Variants in LYRM4 observed in about 807,000 individuals in gnomAD.
The protein encoded by LYRM4 is LYR motif containing 4, also known as LYR motif-containing protein 4.
In LYRM4, 9 loss-of-function variants were observed where a neutral mutation model predicts 11.7. That is an observed-to-expected ratio of 0.77 (90% confidence interval 0.46 to 1.34). The LOEUF is 1.34. LYRM4 is among the 40% of genes most tolerant of loss of function. The pLI is 0.00. For missense variants in LYRM4, 133 were observed against 112.5 expected (o/e 1.18, Z -0.82); for synonymous variants, 42 against 40.4 (o/e 1.04, Z -0.15).
intron 2 of LYRM4, among the ~76,000 whole-genome samples, chr6:5,197,545 G>T (rs1761135812): frequency 6.6e-6 from 1 of 151,824 alleles, no homozygotes; most frequent in Admixed American, 6.6e-5. Context: ...CATGGTGGCG[G>T]GTGCCTGTAA....
At chr6:5,128,290 T>C (rs1021312662) in intron 2 of LYRM4, among the ~76,000 whole-genome samples, 44 of 152,196 alleles carry the variant, frequency 2.9e-4, no homozygotes, top group African/African-American at 1.0e-3. Context: ...ATTTATATCC[T>C]GGAAGCAGGG....
At chr6:5,220,154 C>T (rs557249343) in intron 1 of LYRM4, among the ~76,000 whole-genome samples, 2 of 152,308 alleles carry the variant, frequency 1.3e-5, no homozygotes, top group South Asian at 4.1e-4. Flanking sequence ...ATACTCTTTT[C>T]TGAGATTCTT....
chr6:5,230,997 C>T (rs1321181209), intron 1 of LYRM4, among the ~76,000 whole-genome samples: 3 of 152,166 alleles, frequency 2.0e-5, no homozygotes, highest in Non-Finnish European at 4.4e-5. Context: ...CATTTCAAGG[C>T]CAGGTGCGGT....
At chr6:5,220,666 C>T (rs1762528316) in intron 1 of LYRM4, among the ~76,000 whole-genome samples, 1 of 152,184 alleles carries the variant, frequency 6.6e-6, no homozygotes, top group South Asian at 2.1e-4. Flanking sequence ...CCTGCTGCTG[C>T]TTTCAGATCA....
chr6:5,175,968 A>C lies in LYRM4; in HGVS notation c.207+40650T>G, dbSNP rs73363029. ...GCCATTTGAGTACACCCAGTGTTAC[A>C]GTCTTCCCAGCTATGGCTGATAGCA... On this transcript the variant is annotated intron_variant, in intron 2 of 2. Coordinates refer to ENST00000330636, the MANE Select transcript of LYRM4 (RefSeq NM_020408.6). 1.1e-3 allele frequency among the ~76,000 whole-genome samples: 165 copies of C among 152,280 alleles called. 2 individuals carry two copies. The highest frequency in any genetic ancestry group is 3.8e-3 in the African/African-American group (159 of 41,552).
intron 2 of LYRM4, among the ~76,000 whole-genome samples, chr6:5,154,627 G>C (rs1019460029): frequency 6.6e-6 from 1 of 152,086 alleles, no homozygotes; most frequent in Non-Finnish European, 1.5e-5. Flanking sequence ...CCATCCTGAC[G>C]AACACTGTGA....
intron 1 of LYRM4, among the ~76,000 whole-genome samples, chr6:5,258,005 C>T (rs758896455): frequency 4.6e-5 from 7 of 152,054 alleles, no homozygotes; most frequent in Non-Finnish European, 7.4e-5. Context: ...GAGAAGGTGA[C>T]AATTGAGCTC....
At chr6:5,057,504 G>T in the LYRM4 span, among the ~76,000 whole-genome samples, 3 of 152,064 alleles carry the variant, frequency 2.0e-5, no homozygotes, top group Admixed American at 6.6e-5. Context: ...ATTACTTGAG[G>T]TCAGGAGTTC....
rs1202650392 is a variant in LYRM4, at chr6:5,167,801, T to C, written c.207+48817A>G. On this transcript the variant is annotated intron_variant, in intron 2 of 2. Transcript: ENST00000330636. ...TCTAGAGAAATACATTGCATTTTTT[T>C]TTAAGCTATGAATGGGGTATACACC... Among the ~76,000 whole-genome samples, 4 of 152,230 alleles carry C rather than the reference T, an allele frequency of 2.6e-5. No individual in the cohort carries two copies. In the South Asian group the frequency reaches 6.2e-4, roughly 24 times the overall value.
chr6:5,073,507 T>G, the LYRM4 span, among the ~76,000 whole-genome samples: 1 of 148,278 alleles, frequency 6.7e-6, no homozygotes, highest in African/African-American at 2.5e-5. Flanking sequence ...TCTATATATA[T>G]CTCTCTATAT....
chr6:5,166,951 T>G (rs575659253), intron 2 of LYRM4, among the ~76,000 whole-genome samples: 5 of 152,210 alleles, frequency 3.3e-5, no homozygotes, highest in African/African-American at 9.6e-5. Context: ...AACTCCTGAG[T>G]TCAAACCATC....
intron 2 of LYRM4, among the ~76,000 whole-genome samples, chr6:5,134,035 T>A (rs1303926025): frequency 6.6e-6 from 1 of 152,258 alleles, no homozygotes; most frequent in Non-Finnish European, 1.5e-5. Flanking sequence ...GTTTCCATCT[T>A]TTGGCTATTG....
At chr6:5,235,518 G>A (rs1319212972) in intron 1 of LYRM4, among the ~76,000 whole-genome samples, 4 of 151,972 alleles carry the variant, frequency 2.6e-5, no homozygotes, top group African/African-American at 9.7e-5. Context: ...CTAATCACAT[G>A]CTTATCTTTT....
At chr6:5,088,100 A>G in the LYRM4 span, 1 of 145,566 alleles carries the variant, frequency 6.9e-6, no homozygotes, top group Non-Finnish European at 1.5e-5. Context: ...TAATTTTCTT[A>G]TTATTATTTT....
At chr6:5,097,264 A>C in the LYRM4 span, among the ~76,000 whole-genome samples, 2 of 152,180 alleles carry the variant, frequency 1.3e-5, no homozygotes, top group South Asian at 2.1e-4. Flanking sequence ...TAATATATCT[A>C]TATGTTTGAG....
chr6:5,260,268 T>C (rs1764951956), intron 1 of LYRM4, among the ~76,000 whole-genome samples: 1 of 152,220 alleles, frequency 6.6e-6, no homozygotes, highest in South Asian at 2.1e-4. Context: ...TCTCAACTCT[T>C]CCAGTGCTCA....
At chr6:5,107,757 G>A (rs1762704793), downstream of LYRM4, 1 of 152,098 alleles carries the variant, frequency 6.6e-6, no homozygotes, top group South Asian at 2.1e-4. Context: ...GCAGGGGGTG[G>A]TGGTTCATGC....
chr6:5,064,915 A>C, the LYRM4 span, among the ~76,000 whole-genome samples: 13 of 151,710 alleles, frequency 8.6e-5, no homozygotes, highest in African/African-American at 3.1e-4. Context: ...AGTTTACATC[A>C]AGGCTTAGTC....
At chr6:5,045,158 C>T in the LYRM4 span, among the ~76,000 whole-genome samples, 1 of 152,296 alleles carries the variant, frequency 6.6e-6, no homozygotes, top group East Asian at 1.9e-4. Flanking sequence ...GAGATATTTG[C>T]ACATTTCATC....
Sources: gnomAD v4.1 joint callset for allele counts (sites outside exome capture counted in the v4.1 genomes callset) on GRCh38, gnomAD v4.1.1 for gene constraint, MANE v1.5 for transcripts, NCBI Gene and HGNC (gene_info 2026-07-23, HGNC 2026-07-21) for gene names.